The following PRKN variants were observed in gnomAD, a reference collection of about 807,000 sequenced individuals.
The protein encoded by PRKN is E3 ubiquitin-protein ligase parkin.
A neutral mutation model predicts 59.5 loss-of-function variants in PRKN; 56 were observed. The ratio of observed to expected loss-of-function variants is 0.94; its 90% CI spans 0.76 to 1.18. PRKN has a LOEUF of 1.18. Among genes scored for constraint, PRKN ranks in the 50% most tolerant of loss-of-function variants. PRKN has a pLI of 0.00. For missense variants in PRKN, 657 were observed against 596.4 expected (o/e 1.10, Z -1.06); for synonymous variants, 250 against 222.1 (o/e 1.13, Z -1.12).
Position 161,428,786 on chromosome 6 carries a change from G to C in PRKN, c.1084-41909C>G, listed in dbSNP as rs1788510486. Among the ~76,000 whole-genome samples the C allele has an allele frequency of 6.6e-6, 1 of 152,140 alleles. No homozygotes were observed. Among genetic ancestry groups the C allele is most frequent in the Non-Finnish European group, 1.5e-5 (1 of 68,032 alleles). Reference sequence around the variant, plus strand: ...AAAACCTCCATCTTGTCATATATGGGCAAGCATTCATGTATTTCAAGTCAT... The same window carrying C: ...AAAACCTCCATCTTGTCATATATGGCCAAGCATTCATGTATTTCAAGTCAT... On this transcript the variant is annotated intron_variant, in intron 9 of 11. Transcript: ENST00000366898. The surrounding 1 kb of genome is among the most constrained non-coding windows in gnomAD (Gnocchi z 4.0).
At chr6:161,564,399 G>C (rs1364938686) in intron 8 of PRKN, among the ~76,000 whole-genome samples, 2 of 152,102 alleles carry the variant, frequency 1.3e-5, no homozygotes, top group Non-Finnish European at 2.9e-5. Flanking sequence ...ACATATTCCA[G>C]CTGCCCCAAA....
chr6:162,035,610 A>G (rs1783809123), intron 5 of PRKN, among the ~76,000 whole-genome samples: 1 of 152,182 alleles, frequency 6.6e-6, no homozygotes, highest in Admixed American at 6.5e-5. Context: ...AGTAAAAGAA[A>G]ATGTGACAGC....
chr6:162,082,469 G>T (rs1481446240), intron 4 of PRKN, among the ~76,000 whole-genome samples: 1 of 152,030 alleles, frequency 6.6e-6, no homozygotes, highest in Non-Finnish European at 1.5e-5. Context: ...CATCTGTCTG[G>T]ACTACTAAAA....
At chr6:162,084,764 T>C (rs369699606) in intron 4 of PRKN, among the ~76,000 whole-genome samples, 2 of 151,974 alleles carry the variant, frequency 1.3e-5, no homozygotes, top group South Asian at 2.1e-4. Context: ...ATCTCTATAG[T>C]GTGTATTTAA....
intron 8 of PRKN, among the ~76,000 whole-genome samples, chr6:161,558,447 C>T (rs945303753): frequency 6.6e-6 from 1 of 151,938 alleles, no homozygotes; most frequent in Non-Finnish European, 1.5e-5. Flanking sequence ...TACCTGTAGT[C>T]CCAGCTACTC....
intron 2 of PRKN, among the ~76,000 whole-genome samples, chr6:162,358,448 T>C (rs1583435180): frequency 6.6e-6 from 1 of 152,190 alleles, no homozygotes. Flanking sequence ...CTATTCCTTC[T>C]TTTTAAAATA....
intron 6 of PRKN, among the ~76,000 whole-genome samples, chr6:161,802,096 C>G (rs1414256555): frequency 6.6e-6 from 1 of 152,056 alleles, no homozygotes; most frequent in Non-Finnish European, 1.5e-5. Flanking sequence ...AAGGAACAGG[C>G]TGACCTAAGC....
intron 6 of PRKN, among the ~76,000 whole-genome samples, chr6:161,928,293 A>C (rs1779040696): frequency 6.6e-6 from 1 of 152,172 alleles, no homozygotes; most frequent in Admixed American, 6.5e-5. Context: ...AATGACACTT[A>C]TTATTAATAT....
intron 6 of PRKN, among the ~76,000 whole-genome samples, chr6:161,813,360 C>A (rs985161839): frequency 2.6e-5 from 4 of 152,166 alleles, no homozygotes; most frequent in Admixed American, 2.0e-4. Flanking sequence ...CACCGGGCTG[C>A]GGCGAGGCGG....
rs1782329920 is a variant in PRKN at position 162,614,678 on chromosome 6, T to C, written c.7+112984A>G. Among the ~76,000 whole-genome samples, 3 of 152,216 alleles carry C rather than the reference T, an allele frequency of 2.0e-5. No individual in the cohort carries two copies. In the South Asian group the frequency reaches 6.2e-4, roughly 31 times the overall value. On this transcript the variant is annotated intron_variant, in intron 1 of 11. Transcript: ENST00000366898. ...AGACTCTACTAGGCCACAACACGTA[T>C]CTGAGCTTTGCCTATGAAGTTTTGA...
chr6:161,449,949 G>C (rs780933074), intron 9 of PRKN, among the ~76,000 whole-genome samples: 12 of 152,122 alleles, frequency 7.9e-5, no homozygotes, highest in Admixed American at 1.3e-4. Flanking sequence ...CAGAGCCAAC[G>C]GTGCCTGCCT....
intron 1 of PRKN, among the ~76,000 whole-genome samples, chr6:162,516,600 A>C (rs180867462): frequency 6.6e-6 from 1 of 152,100 alleles, no homozygotes; most frequent in Non-Finnish European, 1.5e-5. Flanking sequence ...AAAAATACAA[A>C]AATTAGCTGA....
chr6:161,782,052 C>T (rs951883934), intron 7 of PRKN, among the ~76,000 whole-genome samples: 2 of 152,070 alleles, frequency 1.3e-5, no homozygotes, highest in African/African-American at 4.8e-5. Flanking sequence ...TGCAGTAACC[C>T]CTCTTCTAGG....
At chr6:161,901,813 G>A (rs1009132843) in intron 6 of PRKN, among the ~76,000 whole-genome samples, 2 of 152,302 alleles carry the variant, frequency 1.3e-5, no homozygotes, top group Admixed American at 6.5e-5. Context: ...CAAAAGGACG[G>A]TGATTTTGTC....
chr6:162,686,317 A>G (rs2128234026), intron 1 of PRKN, among the ~76,000 whole-genome samples: 1 of 152,326 alleles, frequency 6.6e-6, no homozygotes, highest in Admixed American at 6.5e-5. Flanking sequence ...TGCAGTGGAA[A>G]CACTGGACAT....
intron 6 of PRKN, among the ~76,000 whole-genome samples, chr6:161,913,588 C>T (rs1282114097): frequency 2.0e-5 from 3 of 152,038 alleles, no homozygotes; most frequent in Non-Finnish European, 1.5e-5. Flanking sequence ...GGCTCATGAA[C>T]CACTTGTTGA....
chr6:162,625,754 C>G (rs1313094073), intron 1 of PRKN, among the ~76,000 whole-genome samples: 1 of 151,772 alleles, frequency 6.6e-6, no homozygotes, highest in Non-Finnish European at 1.5e-5. Context: ...ATATCTAAAA[C>G]TTATATAAAA....
intron 6 of PRKN, among the ~76,000 whole-genome samples, chr6:161,955,100 A>C (rs757602300): frequency 6.6e-6 from 1 of 152,220 alleles, no homozygotes; most frequent in Non-Finnish European, 1.5e-5. Context: ...TCACAAAATC[A>C]TTCCTGGGTC....
intron 3 of PRKN, among the ~76,000 whole-genome samples, chr6:162,232,067 A>G (rs1231801350): frequency 6.6e-6 from 1 of 152,140 alleles, no homozygotes. Flanking sequence ...TGGAAAGCCA[A>G]TTTCTAACAT....
Sources: gnomAD v4.1 joint callset for allele counts (sites outside exome capture counted in the v4.1 genomes callset) on GRCh38, gnomAD v4.1.1 for gene constraint, Gnocchi (gnomAD v3.1) non-coding constraint, MANE v1.5 for transcripts, NCBI Gene and HGNC (gene_info 2026-07-23, HGNC 2026-07-21) for gene names.